The following SLAIN2 variants were observed in gnomAD, a reference collection of about 807,000 sequenced individuals.
SLAIN2 encodes the protein SLAIN family member 2, also known as SLAIN motif-containing protein 2.
Under a neutral mutation model 56.6 loss-of-function variants are expected in SLAIN2, and 31 were observed. The ratio of observed to expected loss-of-function variants is 0.55; its 90% CI spans 0.41 to 0.74. The LOEUF is 0.74. Ranked by LOEUF, SLAIN2 falls within the 30% of genes least tolerant of loss-of-function variation. The pLI is 0.00. For missense variants in SLAIN2, 777 were observed against 754.2 expected (o/e 1.03, Z -0.35); for synonymous variants, 317 against 284.9 (o/e 1.11, Z -1.13).
intron 6 of SLAIN2, among the ~76,000 whole-genome samples, chr4:48,395,903 T>G (rs945538849): frequency 2.2e-5 from 3 of 136,302 alleles, no homozygotes; most frequent in South Asian, 2.4e-4. Context: ...CTGAAAACAC[T>G]GTGGTATCTA....
At chr4:48,365,835 T>A (rs1294137546) in intron 1 of SLAIN2, among the ~76,000 whole-genome samples, 2 of 152,216 alleles carry the variant, frequency 1.3e-5, no homozygotes, top group Non-Finnish European at 2.9e-5. Flanking sequence ...AGTACTGGGA[T>A]TACAGGCGTG....
At chr4:48,399,392 G>A (rs956270122) in intron 6 of SLAIN2, among the ~76,000 whole-genome samples, 3 of 152,220 alleles carry the variant, frequency 2.0e-5, no homozygotes, top group Admixed American at 6.5e-5. Flanking sequence ...ATGAGCTTAA[G>A]AAGCTCTTGA....
intron 6 of SLAIN2, among the ~76,000 whole-genome samples, chr4:48,395,810 CTT>C (rs10649464): frequency 4.7e-4 from 34 of 72,758 alleles, no homozygotes; most frequent in African/African-American, 1.7e-3. Flanking sequence ...GAACCTTAGG[CTT>C]TTTTTTTTTT....
intron 2 of SLAIN2, among the ~76,000 whole-genome samples, chr4:48,377,578 A>G (rs980934653): frequency 1.2e-4 from 19 of 152,180 alleles, no homozygotes; most frequent in African/African-American, 4.6e-4. Context: ...AAGGTCACTC[A>G]GGATTGATAC....
intron 1 of SLAIN2, among the ~76,000 whole-genome samples, chr4:48,356,941 G>GTGTTC (rs2109740393): frequency 6.6e-6 from 1 of 152,092 alleles, no homozygotes; most frequent in Admixed American, 6.5e-5. Context: ...GTGTTGTGTT[G>GTGTTC]TGTTCTGTCA....
chr4:48,345,260 C>T (rs560189797), intron 1 of SLAIN2, among the ~76,000 whole-genome samples: 2 of 152,336 alleles, frequency 1.3e-5, no homozygotes, highest in East Asian at 3.9e-4. Context: ...GGTGTCACTG[C>T]TGACCCTTTC....
intron 6 of SLAIN2, among the ~76,000 whole-genome samples, chr4:48,417,950 C>T (rs970974370): frequency 1.3e-5 from 2 of 152,054 alleles, no homozygotes; most frequent in Non-Finnish European, 2.9e-5. Flanking sequence ...TATTTTTATC[C>T]AGTTCTGTGA....
intron 6 of SLAIN2, among the ~76,000 whole-genome samples, chr4:48,403,924 G>C (rs1163488865): frequency 2.0e-5 from 3 of 152,182 alleles, no homozygotes. Flanking sequence ...TGATCTGTGG[G>C]TTGCAAAGAT....
At chr4:48,414,710 C>A (rs1251787887) in intron 6 of SLAIN2, among the ~76,000 whole-genome samples, 1 of 109,788 alleles carries the variant, frequency 9.1e-6, no homozygotes, top group African/African-American at 3.6e-5. Flanking sequence ...CCTCCCCCCT[C>A]CCCCGACCCC....
At chr4:48,344,598 G>C (rs1714815204) in intron 1 of SLAIN2, among the ~76,000 whole-genome samples, 1 of 152,208 alleles carries the variant, frequency 6.6e-6, no homozygotes, top group Non-Finnish European at 1.5e-5. Flanking sequence ...TAAATCTCTA[G>C]GGAGTATGGT....
chr4:48,412,293 T>TA lies in SLAIN2; in HGVS notation c.1361-7827dup, dbSNP rs1716877088. Among the ~76,000 whole-genome samples the TA allele has an allele frequency of 2.0e-5, 3 of 152,076 alleles. No individual in the cohort carries two copies. In the East Asian group the frequency reaches 5.8e-4, roughly 29 times the overall value. ...AATTTTGGAAATGTGGCTATTTTGT[T>TA]AAAAACTTCCCCTACCAGGGTGGAG... On this transcript the variant is annotated intron_variant, in intron 6 of 7. Transcript: ENST00000264313.
At chr4:48,361,039 G>GT (rs1415367006) in intron 1 of SLAIN2, among the ~76,000 whole-genome samples, 1 of 152,196 alleles carries the variant, frequency 6.6e-6, no homozygotes, top group Non-Finnish European at 1.5e-5. Context: ...TAGAATGGGC[G>GT]TAAGGGATAG....
intron 1 of SLAIN2, among the ~76,000 whole-genome samples, chr4:48,364,355 G>A: frequency 5.8e-5 from 5 of 85,948 alleles, no homozygotes; most frequent in Admixed American, 1.1e-4. Flanking sequence ...TCCTAGATGG[G>A]ATGGCGGCCG....
intron 1 of SLAIN2, among the ~76,000 whole-genome samples, chr4:48,362,732 C>CTTTTT (rs397716685): frequency 8.6e-6 from 1 of 116,412 alleles, no homozygotes; most frequent in Admixed American, 9.3e-5. Flanking sequence ...TTTTAAATTT[C>CTTTTT]TTTTTTTTTT....
chr4:48,348,248 AC>A (rs1334652969), intron 1 of SLAIN2, among the ~76,000 whole-genome samples: 24 of 142,896 alleles, frequency 1.7e-4, no homozygotes, highest in Non-Finnish European at 1.6e-5. Context: ...GATATGCACT[AC>A]CCTAAAAAAA....
intron 2 of SLAIN2, among the ~76,000 whole-genome samples, chr4:48,374,807 G>A (rs1715761044): frequency 1.3e-5 from 2 of 152,160 alleles, no homozygotes; most frequent in Admixed American, 1.3e-4. Context: ...TGAGGAAATG[G>A]TGGACAAGAA....
chr4:48,367,822 A>G (rs1298561403), intron 1 of SLAIN2, among the ~76,000 whole-genome samples: 1 of 152,182 alleles, frequency 6.6e-6, no homozygotes, highest in Non-Finnish European at 1.5e-5. Flanking sequence ...AAGTCGTTAT[A>G]TGTTAGTGAA....
chr4:48,383,911 A>C, intron 6 of SLAIN2, 127 bp downstream of exon 6: 1 of 1,012,880 alleles, frequency 9.9e-7, no homozygotes, highest in Non-Finnish European at 1.4e-6. Context: ...GCTATAGTAA[A>C]ATTTAGTGTT....
At chr4:48,414,787 C>A (rs963086664) in intron 6 of SLAIN2, among the ~76,000 whole-genome samples, 1 of 86,616 alleles carries the variant, frequency 1.2e-5, no homozygotes, top group African/African-American at 4.7e-5. Context: ...CAATTCCCAC[C>A]TATGAGTGAG....
Sources: gnomAD v4.1 joint callset for allele counts (sites outside exome capture counted in the v4.1 genomes callset) on GRCh38, gnomAD v4.1.1 for gene constraint, MANE v1.5 for transcripts, NCBI Gene and HGNC (gene_info 2026-07-23, HGNC 2026-07-21) for gene names.